Variants in PIK3R6 observed in about 807,000 individuals in gnomAD.
PIK3R6 encodes phosphoinositide-3-kinase regulatory subunit 6.
PIK3R6 carries 91 observed loss-of-function variants against 84.9 expected under a neutral mutation model. That is an observed-to-expected ratio of 1.07 (90% CI 0.90 to 1.28). The LOEUF (loss-of-function observed/expected upper bound fraction) is 1.28, where lower values mean the gene tolerates loss of function less well. Ranked by LOEUF, PIK3R6 falls within the 50% of genes most tolerant of loss-of-function variation. PIK3R6 has a pLI of 0.00. For missense variants in PIK3R6, 996 were observed against 985.1 expected, an observed-to-expected ratio of 1.01 and a Z score of -0.15; for synonymous variants, 416 against 411.4, an observed-to-expected ratio of 1.01 and a Z score of -0.13.
chr17:8,817,739 G>A (rs1383865368), intron 18 of PIK3R6, among the ~76,000 whole-genome samples: 1 of 152,174 alleles, frequency 6.6e-6, no homozygotes, highest in Non-Finnish European at 1.5e-5. Flanking sequence ...GCAACATGGA[G>A]GTGACTTTGC....
At chr17:8,808,867 A>G (rs1332353537) in intron 18 of PIK3R6, among the ~76,000 whole-genome samples, 1 of 152,200 alleles carries the variant, frequency 6.6e-6, no homozygotes, top group Admixed American at 6.5e-5. Flanking sequence ...AGTCTATAAG[A>G]AAGTGTTGTC....
intron 4 of PIK3R6, chr17:8,838,295 C>T: frequency 2.1e-6 from 1 of 469,150 alleles, no homozygotes; most frequent in South Asian, 2.5e-5. Flanking sequence ...TTTATAGGTA[C>T]CTTCTGTTTC....
intron 5 of PIK3R6, 71 bp from the exon 6 acceptor site, chr17:8,836,994 G>C: frequency 9.1e-7 from 1 of 1,102,928 alleles, no homozygotes; most frequent in Non-Finnish European, 1.3e-6. Flanking sequence ...GGAGGTGAAG[G>C]GTCCCGGGGG....
At position 8,821,919 on chromosome 17, in the gene PIK3R6, C is replaced by A; in HGVS notation, c.1806G>T (p.Arg602=). 6.3e-7 allele frequency: 1 copy of A among 1,586,534 alleles called. No homozygotes were observed. ...GCAGGGAAACGGTGACCTCTCGGGG[C>A]CGGTGGCTAAGCAAGGCCTGAGGAG... ...LCYQKALLSH[R]PREVTVSLRA... Residue 602 remains arginine, a synonymous_variant, in exon 17 of 20, where the codon CGG becomes CGT. Coordinates refer to ENST00000619866, the MANE Select transcript of PIK3R6 (RefSeq NM_001010855.4).
At chr17:8,832,582 T>C (rs2088284601) in intron 9 of PIK3R6, among the ~76,000 whole-genome samples, 1 of 147,852 alleles carries the variant, frequency 6.8e-6, no homozygotes, top group Admixed American at 6.7e-5. Context: ...AACCCTCTAC[T>C]ACTTTAGTAG....
intron 2 of PIK3R6, 111 bp downstream of exon 2, chr17:8,849,671 C>T: frequency 1.6e-6 from 2 of 1,252,746 alleles, no homozygotes; most frequent in Non-Finnish European, 2.1e-6. Context: ...GTCTTGCAGC[C>T]TGTCTATGTG....
rs377025709 is a variant in PIK3R6, at chr17:8,849,862, T to A, written c.-68A>T. On this transcript the variant is annotated 5_prime_UTR_variant, in exon 2 of 20. Coordinates refer to ENST00000619866, the MANE Select transcript of PIK3R6 (RefSeq NM_001010855.4). ...GGCAGCAGAATAGAGAACAAGGTGG[T>A]TGCTTTTCTGCACAGAGGTGGTTCT... 1.3e-6 allele frequency: 2 copies of A among 1,585,746 alleles called. No individual in the cohort carries two copies. The highest frequency in any genetic ancestry group is 1.7e-6 in the Non-Finnish European group (2 of 1,165,428).
intron 13 of PIK3R6, among the ~76,000 whole-genome samples, chr17:8,824,778 C>T (rs2087864340): frequency 6.6e-6 from 1 of 152,008 alleles, no homozygotes; most frequent in South Asian, 2.1e-4. Context: ...ATTTTAATAC[C>T]CAGCTAAATG....
intron 17 of PIK3R6, among the ~76,000 whole-genome samples, chr17:8,819,854 A>C (rs1217725950): frequency 6.8e-6 from 1 of 146,826 alleles, no homozygotes; most frequent in African/African-American, 2.5e-5. Flanking sequence ...ATATGTATAT[A>C]TAGACACACA....
intron 1 of PIK3R6, among the ~76,000 whole-genome samples, chr17:8,856,903 T>C (rs957900023): frequency 4.0e-5 from 3 of 74,514 alleles, no homozygotes; most frequent in Non-Finnish European, 8.2e-5. Context: ...AGTAATTACA[T>C]GAACATCTGG....
chr17:8,804,178 G>A (rs567697537), intron 18 of PIK3R6, 25 bp from the exon 19 acceptor site: 1 of 1,589,832 alleles, frequency 6.3e-7, no homozygotes, highest in Admixed American at 1.7e-5. Context: ...TCGCACGTGT[G>A]AGTGTTGCCT....
At chr17:8,833,622 A>G (rs1160773306) in intron 8 of PIK3R6, among the ~76,000 whole-genome samples, 3 of 148,754 alleles carry the variant, frequency 2.0e-5, no homozygotes, top group Non-Finnish European at 4.5e-5. Context: ...GCTCATTGCA[A>G]CCTCTGCCTC....
intron 13 of PIK3R6, among the ~76,000 whole-genome samples, chr17:8,825,365 A>G (rs560740738): frequency 2.0e-5 from 3 of 152,240 alleles, no homozygotes; most frequent in Non-Finnish European, 2.9e-5. Flanking sequence ...TATTCTGAAA[A>G]GTTTTGAAAA....
intron 1 of PIK3R6, among the ~76,000 whole-genome samples, chr17:8,861,785 A>G (rs577224944): frequency 6.6e-6 from 1 of 152,322 alleles, no homozygotes; most frequent in East Asian, 1.9e-4. Flanking sequence ...CTCCAATAGT[A>G]CTGAACCTGG....
chr17:8,837,157 T>C (rs191638792), intron 5 of PIK3R6, among the ~76,000 whole-genome samples: 1 of 152,104 alleles, frequency 6.6e-6, no homozygotes, highest in East Asian at 1.9e-4. Flanking sequence ...CTTACCAAGA[T>C]AAAAATTCAT....
chr17:8,864,401 T>A (rs1425781028), intron 1 of PIK3R6, among the ~76,000 whole-genome samples: 1 of 152,046 alleles, frequency 6.6e-6, no homozygotes, highest in Non-Finnish European at 1.5e-5. Context: ...TAGAGTTCTT[T>A]GTCTCTGACT....
At chr17:8,852,607 C>T (rs554295066) in intron 1 of PIK3R6, among the ~76,000 whole-genome samples, 232 of 151,982 alleles carry the variant, frequency 1.5e-3, no homozygotes, top group African/African-American at 4.7e-3. Flanking sequence ...GGTGTGGTGG[C>T]GTGTGCCTGT....
intron 18 of PIK3R6, among the ~76,000 whole-genome samples, chr17:8,804,990 A>G (rs1597371109): frequency 6.6e-6 from 1 of 152,234 alleles, no homozygotes; most frequent in South Asian, 2.1e-4. Context: ...AGGGCTGAGA[A>G]CAGCCACTGA....
intron 2 of PIK3R6, among the ~76,000 whole-genome samples, chr17:8,843,595 A>G (rs1396139366): frequency 6.6e-6 from 1 of 152,162 alleles, no homozygotes; most frequent in African/African-American, 2.4e-5. Flanking sequence ...TTTGGTCCAC[A>G]TCTGGCTTGC....
Sources: gnomAD v4.1 joint callset for allele counts (sites outside exome capture counted in the v4.1 genomes callset) on GRCh38, gnomAD v4.1.1 for gene constraint, MANE v1.5 for transcripts, NCBI Gene and HGNC (gene_info 2026-07-23, HGNC 2026-07-21) for gene names.